The following PPP2R2A variants were observed in gnomAD, a reference collection of about 807,000 sequenced individuals.
PPP2R2A encodes protein phosphatase 2 regulatory subunit Balpha, also known as serine/threonine-protein phosphatase 2A 55 kDa regulatory subunit B alpha isoform.
Under a neutral mutation model 53.2 loss-of-function variants are expected in PPP2R2A, and 9 were observed. That is an observed-to-expected ratio of 0.17 (90% confidence interval 0.10 to 0.30). The LOEUF (loss-of-function observed/expected upper bound fraction) is 0.30, where lower values mean the gene tolerates loss of function less well. Among genes scored for constraint, PPP2R2A ranks in the 10% least tolerant of loss-of-function variants. The pLI, the probability that PPP2R2A is intolerant of heterozygous loss-of-function variation, is 1.00. For synonymous variants in PPP2R2A, 169 were observed against 174.2 expected, an observed-to-expected ratio of 0.97 and a Z score of 0.23; for missense variants, 235 against 534.6, an observed-to-expected ratio of 0.44 and a Z score of 5.53.
At chr8:26,332,742 G>T (rs1482458776) in intron 2 of PPP2R2A, among the ~76,000 whole-genome samples, 1 of 152,220 alleles carries the variant, frequency 6.6e-6, no homozygotes, top group Non-Finnish European at 1.5e-5. Flanking sequence ...TAACTGTAAT[G>T]TGGTCATTAA....
chr8:26,314,024 G>C (rs1802420354), intron 2 of PPP2R2A, among the ~76,000 whole-genome samples: 1 of 152,132 alleles, frequency 6.6e-6, no homozygotes, highest in Admixed American at 6.5e-5. Context: ...GTTTTCTTTA[G>C]AGTTAAAAAT....
rs577918044 is a variant in PPP2R2A at position 26,369,125 on chromosome 8, A to T, written c.1065-1009A>T. Among the ~76,000 whole-genome samples, 12 of 147,240 alleles carry T rather than the reference A, an allele frequency of 8.1e-5. No homozygotes were observed. In the South Asian group the frequency reaches 2.1e-3, roughly 26 times the overall value. On this transcript the variant is annotated intron_variant, in intron 9 of 9. Coordinates refer to ENST00000380737, the MANE Select transcript of PPP2R2A (RefSeq NM_002717.4). Reference sequence around the variant, plus strand: ...TCCGTCTCAAAAAAAAAAAAATTATACACACACACACACACACATTATGTA... The same window carrying T: ...TCCGTCTCAAAAAAAAAAAAATTATTCACACACACACACACACATTATGTA...
At chr8:26,361,727 A>G (rs1272673407) in intron 6 of PPP2R2A, among the ~76,000 whole-genome samples, 1 of 152,186 alleles carries the variant, frequency 6.6e-6, no homozygotes, top group Admixed American at 6.5e-5. Context: ...TGGGAGGTCA[A>G]GGTGGGTGGA....
At chr8:26,355,152 A>G (rs1804708307) in intron 4 of PPP2R2A, among the ~76,000 whole-genome samples, 1 of 152,204 alleles carries the variant, frequency 6.6e-6, no homozygotes, top group African/African-American at 2.4e-5. Context: ...ATTCCAGGAT[A>G]CGCTATAGGA....
rs773535161 is a variant in PPP2R2A at position 26,354,441 on chromosome 8, G to A, written c.181-27G>A. 2 of 1,473,082 alleles carry A rather than the reference G, an allele frequency of 1.4e-6. No homozygotes were observed. Among genetic ancestry groups the A allele is most frequent in the East Asian group, 2.3e-5 (1 of 42,734 alleles). 91.3% of individuals were successfully genotyped at this position (1,473,082 alleles called of 1,614,324 possible). A position where few individuals can be genotyped will look rare whatever the true frequency, so the allele number is the denominator to read the frequency against. ...TATTTTGAAATATTTTTCAACAATG[G>A]TCCATATATTTTTGTTTTCATTTTA... is the stretch of plus-strand genomic sequence containing the variant. On this transcript the variant is annotated intron_variant, in intron 3 of 9. Transcript: ENST00000380737. This position sits in a 1 kb window ranked among gnomAD's most constrained non-coding sequence, Gnocchi z 4.6.
intron 3 of PPP2R2A, among the ~76,000 whole-genome samples, chr8:26,346,198 T>C (rs1253792154): frequency 6.6e-6 from 1 of 151,906 alleles, no homozygotes. Flanking sequence ...TGGAGTACAG[T>C]GGCATGATCT....
At chr8:26,294,749 G>A (rs558081193) in intron 2 of PPP2R2A, among the ~76,000 whole-genome samples, 47 of 152,172 alleles carry the variant, frequency 3.1e-4, no homozygotes, top group African/African-American at 7.7e-4. Context: ...GGTGGTAGCC[G>A]AACTCTCTTA....
Position 26,370,374 on chromosome 8 carries a change from T to C in PPP2R2A, c.1305T>C (p.Thr435=), listed in dbSNP as rs1805609714. The C allele has an allele frequency of 6.2e-7, 1 of 1,614,092 alleles. No individual in the cohort carries two copies. Among genetic ancestry groups the C allele is most frequent in the African/African-American group, 1.3e-5 (1 of 74,942 alleles). The change falls in exon 10 of 10, where the codon ACT becomes ACC. Residue 435 remains threonine (T), a synonymous_variant. Transcript: ENST00000380737. The surrounding 1 kb of genome is among the most constrained non-coding windows in gnomAD (Gnocchi z 6.1). ...HPKENIIAVA[T]TNNLYIFQDK... ...AGGAAAATATCATTGCCGTAGCTAC[T>C]ACAAACAATCTGTATATATTTCAAG...
intron 2 of PPP2R2A, among the ~76,000 whole-genome samples, chr8:26,323,365 T>C (rs1185840435): frequency 6.6e-6 from 1 of 152,224 alleles, no homozygotes; most frequent in Non-Finnish European, 1.5e-5. Context: ...AGACACCAGC[T>C]GGGTGTCCCC....
chr8:26,326,042 GCC>G (rs1239268068), intron 2 of PPP2R2A, among the ~76,000 whole-genome samples: 3 of 152,102 alleles, frequency 2.0e-5, no homozygotes, highest in Non-Finnish European at 4.4e-5. Context: ...TCGCCATGTT[GCC>G]CAGGCTGGTC....
chr8:26,362,040 CTTAAGATTAGATTAAGATTAATT>C lies in PPP2R2A; in HGVS notation c.638-632_638-610del, dbSNP rs1282315463. On this transcript the variant is annotated intron_variant, in intron 6 of 9. Transcript: ENST00000380737. This position sits in a 1 kb window ranked among gnomAD's most constrained non-coding sequence, Gnocchi z 4.4. The stretch of plus-strand genomic sequence containing the variant: ...AGATTAAGATTAGATTAAGATTAAT[CTTAAGATTAGATTAAGATTAATT>C]TTAAGATTAGAAAAAGATTAATAAT... 1.4e-5 allele frequency among the ~76,000 whole-genome samples: 2 copies of C among 139,642 alleles called. No individual in the cohort carries two copies. Among genetic ancestry groups the C allele is most frequent in the African/African-American group, 2.7e-5 (1 of 36,734 alleles). The allele number at this position is 139,642 out of a possible 152,430, so 91.6% of individuals were successfully genotyped here. A position where few individuals can be genotyped will look rare whatever the true frequency, so the allele number is the denominator to read the frequency against.
chr8:26,319,049 A>G (rs1294075717), intron 2 of PPP2R2A, among the ~76,000 whole-genome samples: 1 of 152,214 alleles, frequency 6.6e-6, no homozygotes, highest in East Asian at 1.9e-4. Context: ...AGCAACCCCC[A>G]TTCTACTTTG....
chr8:26,300,990 T>C (rs1801757203), intron 2 of PPP2R2A, among the ~76,000 whole-genome samples: 1 of 152,230 alleles, frequency 6.6e-6, no homozygotes. Context: ...GTATCAGGCA[T>C]TGTTTTAGGT....
chr8:26,293,379 T>C (rs778504989), intron 1 of PPP2R2A: 11 of 1,059,202 alleles, frequency 1.0e-5, no homozygotes, highest in Admixed American at 4.3e-5. Context: ...AGGTCTTGCC[T>C]GAATGTAAGG....
intron 2 of PPP2R2A, among the ~76,000 whole-genome samples, chr8:26,332,746 T>C (rs1249471224): frequency 6.6e-6 from 1 of 152,242 alleles, no homozygotes; most frequent in African/African-American, 2.4e-5. Flanking sequence ...TGTAATGTGG[T>C]CATTAATAAG....
chr8:26,325,240 G>A (rs936825483), intron 2 of PPP2R2A, among the ~76,000 whole-genome samples: 4 of 151,774 alleles, frequency 2.6e-5, no homozygotes, highest in South Asian at 2.1e-4. Context: ...GACCCATGGG[G>A]GGGTAATTGA....
intron 1 of PPP2R2A, chr8:26,293,110 C>A (rs1801380564): frequency 2.4e-6 from 2 of 817,048 alleles, no homozygotes; most frequent in African/African-American, 1.7e-5. Context: ...TAGCAGCATT[C>A]ATTTCGGTTT....
At chr8:26,355,521 CGT>C (rs1271040627) in intron 4 of PPP2R2A, among the ~76,000 whole-genome samples, 1 of 152,176 alleles carries the variant, frequency 6.6e-6, no homozygotes, top group East Asian at 1.9e-4. Flanking sequence ...TGGGATTACA[CGT>C]GTGAGCCACT....
At chr8:26,323,164 CAT>C (rs1802927330) in intron 2 of PPP2R2A, among the ~76,000 whole-genome samples, 1 of 152,214 alleles carries the variant, frequency 6.6e-6, no homozygotes. Context: ...ATTTAAGTGT[CAT>C]GTGACTTTAA....
Sources: gnomAD v4.1 joint callset for allele counts (sites outside exome capture counted in the v4.1 genomes callset) on GRCh38, gnomAD v4.1.1 for gene constraint, Gnocchi (gnomAD v3.1) non-coding constraint, MANE v1.5 for transcripts, NCBI Gene and HGNC (gene_info 2026-07-23, HGNC 2026-07-21) for gene names.